PDE5A: variants seen among roughly 807,000 people sequenced by gnomAD.
The protein encoded by PDE5A is cGMP-specific 3',5'-cyclic phosphodiesterase.
In PDE5A, 67 loss-of-function variants were observed where a neutral mutation model predicts 110.2. The ratio of observed to expected loss-of-function variants is 0.61; its 90% CI spans 0.50 to 0.75. The LOEUF (loss-of-function observed/expected upper bound fraction) is 0.75. PDE5A is among the 30% of genes least tolerant of loss of function. The pLI, the probability that PDE5A is intolerant of heterozygous loss-of-function variation, is 0.00. For synonymous variants in PDE5A, 328 were observed against 351.2 expected, an observed-to-expected ratio of 0.93 and a Z score of 0.74; for missense variants, 862 against 1,045.1, an observed-to-expected ratio of 0.82 and a Z score of 2.42.
intron 3 of PDE5A, among the ~76,000 whole-genome samples, chr4:119,575,203 T>C (rs963994608): frequency 1.3e-5 from 2 of 152,210 alleles, no homozygotes; most frequent in Non-Finnish European, 2.9e-5. Context: ...ACCAAATCTA[T>C]GTCTGACTGG....
intron 1 of PDE5A, among the ~76,000 whole-genome samples, chr4:119,614,276 GA>G (rs1352996999): frequency 4.6e-5 from 7 of 152,058 alleles, no homozygotes; most frequent in Non-Finnish European, 1.0e-4. Context: ...ATGTGTTCGA[GA>G]AAAAGTCATC....
chr4:119,583,880 G>A (rs980895238), intron 3 of PDE5A, among the ~76,000 whole-genome samples: 5 of 152,168 alleles, frequency 3.3e-5, no homozygotes, highest in Admixed American at 2.0e-4. Context: ...GCAGATGTGT[G>A]GTCCAATGAG....
chr4:119,548,238 C>T (rs1320712373), intron 9 of PDE5A: 1 of 151,598 alleles, frequency 6.6e-6, no homozygotes. Context: ...TTAGTAGAGA[C>T]GGGGTTTCAC....
At chr4:119,548,134 C>T (rs1479319116) in intron 9 of PDE5A, 2 of 147,418 alleles carry the variant, frequency 1.4e-5, no homozygotes, top group East Asian at 2.0e-4. Flanking sequence ...CTGCAAGCTC[C>T]GCCTCCCAGG....
intron 12 of PDE5A, among the ~76,000 whole-genome samples, chr4:119,524,189 C>T (rs1250127367): frequency 6.6e-6 from 1 of 151,968 alleles, no homozygotes; most frequent in Admixed American, 6.6e-5. Flanking sequence ...ATACCATTAC[C>T]CCTAATAACA....
intron 9 of PDE5A, among the ~76,000 whole-genome samples, chr4:119,546,326 A>G (rs1198437221): frequency 4.6e-5 from 7 of 152,154 alleles, no homozygotes; most frequent in African/African-American, 1.7e-4. Context: ...TTGGAGATAC[A>G]TAAAATGGTG....
intron 3 of PDE5A, among the ~76,000 whole-genome samples, chr4:119,578,623 C>A (rs1254144316): frequency 6.6e-6 from 1 of 152,180 alleles, no homozygotes; most frequent in Non-Finnish European, 1.5e-5. Flanking sequence ...GCTGGGAAAA[C>A]TGGCTAGCCA....
chr4:119,565,261 T>TA, intron 5 of PDE5A, 60 bp downstream of exon 5: 2 of 1,182,444 alleles, frequency 1.7e-6, no homozygotes, highest in Non-Finnish European at 2.5e-6. Flanking sequence ...ATTACTTGGA[T>TA]AAAAATGTAA....
chr4:119,539,988 C>T (rs568141186), intron 10 of PDE5A, among the ~76,000 whole-genome samples: 1 of 152,056 alleles, frequency 6.6e-6, no homozygotes, highest in African/African-American at 2.4e-5. Context: ...AAAAAAAATG[C>T]AAAATACAAA....
intron 2 of PDE5A, among the ~76,000 whole-genome samples, chr4:119,599,137 T>A (rs1235131030): frequency 2.0e-5 from 3 of 152,022 alleles, no homozygotes. Context: ...AAAGATCCAC[T>A]CTGACAAATA....
At chr4:119,510,926 C>T in intron 15 of PDE5A, 121 bp downstream of exon 15, 1 of 653,246 alleles carries the variant, frequency 1.5e-6, no homozygotes, top group Non-Finnish European at 2.6e-6. Flanking sequence ...CTTCCTTACC[C>T]AAAAAGGAAT....
chr4:119,505,000 A>AGTCTT (rs1425987721), intron 17 of PDE5A, among the ~76,000 whole-genome samples: 9 of 152,050 alleles, frequency 5.9e-5, no homozygotes, highest in Admixed American at 5.3e-4. Context: ...TACTGATAAA[A>AGTCTT]GTCTTATATC....
Position 119,606,908 on chromosome 4 carries a change from GAT to G in PDE5A, c.540_541del (p.Ser181CysfsTer2). ...AAGGAACAGGGAATAGCGGTCAGCA[GAT>G]ATCAGTCCATGGATATGCAAGAAAA... On this transcript the variant is annotated frameshift_variant, in exon 2 of 21. Coordinates refer to ENST00000354960, the MANE Select transcript of PDE5A (RefSeq NM_001083.4). LOFTEE classifies it high-confidence loss of function. The G allele has an allele frequency of 6.2e-7, 1 of 1,614,234 alleles. No individual in the cohort carries two copies. Among genetic ancestry groups the G allele is most frequent in the East Asian group, 2.2e-5 (1 of 44,884 alleles).
chr4:119,516,415 C>T (rs1461771009), intron 14 of PDE5A, among the ~76,000 whole-genome samples: 1 of 152,222 alleles, frequency 6.6e-6, no homozygotes, highest in Non-Finnish European at 1.5e-5. Flanking sequence ...AATTTCACTG[C>T]ATTATTTATC....
intron 3 of PDE5A, among the ~76,000 whole-genome samples, chr4:119,572,887 TTCCTCTTTCCAG>T (rs1347915331): frequency 6.6e-6 from 1 of 152,210 alleles, no homozygotes; most frequent in African/African-American, 2.4e-5. Context: ...TAAATTGGAC[TTCCTCTTTCCAG>T]TCTTTCTTCT....
chr4:119,539,857 T>G (rs946707836), intron 10 of PDE5A, among the ~76,000 whole-genome samples: 1 of 152,202 alleles, frequency 6.6e-6, no homozygotes. Flanking sequence ...TAATGAGCAT[T>G]TCCTTTTGAG....
intron 3 of PDE5A, among the ~76,000 whole-genome samples, chr4:119,588,502 A>G (rs1237417257): frequency 6.8e-6 from 1 of 146,808 alleles, no homozygotes; most frequent in African/African-American, 2.5e-5. Context: ...AAAAAAATTT[A>G]AAAGCAAGTA....
chr4:119,584,960 GT>G (rs1728707388), intron 3 of PDE5A, among the ~76,000 whole-genome samples: 1 of 152,216 alleles, frequency 6.6e-6, no homozygotes, highest in Admixed American at 6.5e-5. Flanking sequence ...ATGTAGAACT[GT>G]TAGTATTTGT....
intron 2 of PDE5A, among the ~76,000 whole-genome samples, chr4:119,603,620 A>AG (rs1381795711): frequency 4.3e-4 from 7 of 16,274 alleles, no homozygotes; most frequent in African/African-American, 7.6e-4. Context: ...AAAACTATAG[A>AG]ATTTTCAAAT....
Sources: allele counts gnomAD v4.1 joint callset (sites outside exome capture counted in the v4.1 genomes callset), GRCh38; gene constraint gnomAD v4.1.1; transcripts MANE v1.5; gene names NCBI Gene and HGNC (gene_info 2026-07-23, HGNC 2026-07-21).